The following ESRRG variants were observed in gnomAD, a reference collection of about 807,000 sequenced individuals.
The protein encoded by ESRRG is estrogen-related receptor gamma.
A neutral mutation model predicts 44.0 loss-of-function variants in ESRRG; 13 were observed. That is an observed-to-expected ratio of 0.30 (90% CI 0.19 to 0.47). The LOEUF (loss-of-function observed/expected upper bound fraction) is 0.47. ESRRG is among the 20% of genes least tolerant of loss of function. The pLI, the probability that ESRRG is intolerant of heterozygous loss-of-function variation, is 1.00. For missense variants in ESRRG, 395 were observed against 580.6 expected (o/e 0.68, Z 3.29); for synonymous variants, 215 against 214.6 (o/e 1.00, Z -0.02).
At chr1:217,076,684 GGA>G (rs937576125) in intron 1 of ESRRG, among the ~76,000 whole-genome samples, 4 of 151,912 alleles carry the variant, frequency 2.6e-5, no homozygotes, top group Admixed American at 2.0e-4. Flanking sequence ...CTGGAGACAG[GGA>G]GAGAGAGAGA....
chr1:216,643,782 C>T (rs991386291), intron 3 of ESRRG, among the ~76,000 whole-genome samples: 2 of 152,204 alleles, frequency 1.3e-5, no homozygotes, highest in Non-Finnish European at 2.9e-5. Flanking sequence ...AAAGTCACCT[C>T]CTAAATTATG....
intron 1 of ESRRG, among the ~76,000 whole-genome samples, chr1:216,947,479 C>T (rs377415559): frequency 2.0e-4 from 31 of 152,114 alleles, no homozygotes; most frequent in African/African-American, 7.0e-4. Flanking sequence ...TTCCCATAAA[C>T]GGGCTTCCTC....
chr1:216,707,422 C>T lies in ESRRG; in HGVS notation c.56+15822G>A, dbSNP rs557449888. On this transcript the variant is annotated intron_variant, in intron 1 of 6. Transcript: ENST00000408911. Reference sequence around the variant, plus strand: ...TGCTCCAAGACCCCAATCACATTCTCGCCACATTCAGGATCTAAATGCACA... The same window carrying T: ...TGCTCCAAGACCCCAATCACATTCTTGCCACATTCAGGATCTAAATGCACA... The T allele has an allele frequency of 7.1e-5, 109 of 1,535,844 alleles. 1 individual carries two copies. In the South Asian group the frequency reaches 7.5e-4, roughly 11 times the overall value.
chr1:216,913,748 G>A (rs1453512136), intron 2 of ESRRG, among the ~76,000 whole-genome samples: 1 of 152,170 alleles, frequency 6.6e-6, no homozygotes, highest in Non-Finnish European at 1.5e-5. Flanking sequence ...CGTGTGATAA[G>A]CACTTTACAA....
At chr1:216,994,014 T>G (rs2076053030) in intron 1 of ESRRG, among the ~76,000 whole-genome samples, 1 of 152,232 alleles carries the variant, frequency 6.6e-6, no homozygotes, top group South Asian at 2.1e-4. Flanking sequence ...AATCATCTCT[T>G]TCATTCTCGT....
intron 2 of ESRRG, among the ~76,000 whole-genome samples, chr1:216,934,529 G>A (rs2063831268): frequency 6.6e-6 from 1 of 152,096 alleles, no homozygotes; most frequent in African/African-American, 2.4e-5. Flanking sequence ...CACAATCACG[G>A]TGGAAGGCAA....
intron 1 of ESRRG, among the ~76,000 whole-genome samples, chr1:216,680,500 T>C (rs936369916): frequency 6.6e-6 from 1 of 152,180 alleles, no homozygotes; most frequent in Non-Finnish European, 1.5e-5. Flanking sequence ...TCTACTACTT[T>C]TATTTCTCAG....
At chr1:216,670,909 A>G (rs924540287) in intron 2 of ESRRG, among the ~76,000 whole-genome samples, 4 of 152,204 alleles carry the variant, frequency 2.6e-5, no homozygotes, top group Non-Finnish European at 5.9e-5. Context: ...ACTGACCAAT[A>G]AAAAGTCAGT....
At chr1:216,517,840 T>C (rs752240001) in intron 6 of ESRRG, among the ~76,000 whole-genome samples, 1 of 151,970 alleles carries the variant, frequency 6.6e-6, no homozygotes, top group Non-Finnish European at 1.5e-5. Context: ...AGAAGAGAGG[T>C]GCATGGTGTG....
intron 2 of ESRRG, among the ~76,000 whole-genome samples, chr1:216,922,890 C>T (rs1481182428): frequency 6.6e-6 from 1 of 152,120 alleles, no homozygotes; most frequent in African/African-American, 2.4e-5. Flanking sequence ...CCCCAGTCTT[C>T]CCTAAGCCTC....
chr1:217,111,758 G>A (rs1360240904), intron 1 of ESRRG, among the ~76,000 whole-genome samples: 1 of 152,164 alleles, frequency 6.6e-6, no homozygotes, highest in African/African-American at 2.4e-5. Flanking sequence ...TGGTAGTTGG[G>A]AGGGCTCTGA....
intron 1 of ESRRG, among the ~76,000 whole-genome samples, chr1:217,119,186 G>A (rs1160932305): frequency 1.3e-5 from 2 of 152,150 alleles, no homozygotes; most frequent in Non-Finnish European, 2.9e-5. Context: ...ATTCATTACT[G>A]TGCACAAAGA....
intron 2 of ESRRG, among the ~76,000 whole-genome samples, chr1:216,742,095 G>T (rs1466716267): frequency 2.0e-5 from 3 of 151,986 alleles, no homozygotes; most frequent in African/African-American, 4.8e-5. Flanking sequence ...CTCTTTCCTG[G>T]CAAGTTTCCC....
intron 5 of ESRRG, among the ~76,000 whole-genome samples, chr1:216,550,701 T>G (rs994210758): frequency 5.9e-5 from 9 of 152,166 alleles, no homozygotes; most frequent in African/African-American, 2.2e-4. Flanking sequence ...AAACAATGGT[T>G]GTAATCAGTT....
intron 2 of ESRRG, among the ~76,000 whole-genome samples, chr1:216,870,301 G>A (rs1196069744): frequency 1.4e-5 from 2 of 147,802 alleles, no homozygotes; most frequent in East Asian, 2.0e-4. Flanking sequence ...ATCTAATATC[G>A]AGACAGCCTT....
At chr1:216,925,337 T>C (rs2062394452) in intron 2 of ESRRG, among the ~76,000 whole-genome samples, 3 of 151,946 alleles carry the variant, frequency 2.0e-5, no homozygotes, top group Non-Finnish European at 2.9e-5. Context: ...CTTGGGAGGC[T>C]GAGGAAGGAA....
chr1:216,762,829 C>G (rs2092867870), intron 2 of ESRRG, among the ~76,000 whole-genome samples: 1 of 152,024 alleles, frequency 6.6e-6, no homozygotes, highest in Non-Finnish European at 1.5e-5. Flanking sequence ...GCTCAAAACA[C>G]TTCCCCAAAG....
intron 2 of ESRRG, among the ~76,000 whole-genome samples, chr1:216,911,071 T>C (rs1165733506): frequency 6.6e-6 from 1 of 152,190 alleles, no homozygotes; most frequent in Non-Finnish European, 1.5e-5. Flanking sequence ...TCTTATCTTG[T>C]AGGCCTTTTA....
chr1:216,845,248 C>A (rs1471308614), intron 2 of ESRRG, among the ~76,000 whole-genome samples: 1 of 152,184 alleles, frequency 6.6e-6, no homozygotes, highest in South Asian at 2.1e-4. Context: ...TTAAGAACAG[C>A]ACTTGGCATG....
Sources: gnomAD v4.1 joint callset for allele counts (sites outside exome capture counted in the v4.1 genomes callset) on GRCh38, gnomAD v4.1.1 for gene constraint, MANE v1.5 for transcripts, NCBI Gene and HGNC (gene_info 2026-07-23, HGNC 2026-07-21) for gene names.